The following UTP18 variants were observed in gnomAD, a reference collection of about 807,000 sequenced individuals.
UTP18 encodes the protein U3 small nucleolar RNA-associated protein 18 homolog.
In UTP18, 36 loss-of-function variants were observed where a neutral mutation model predicts 61.1. The observed-to-expected ratio is 0.59, with a 90% CI of 0.45 to 0.78. UTP18 has a LOEUF of 0.78. Ranked by LOEUF, UTP18 falls within the 30% of genes least tolerant of loss-of-function variation. The pLI, the probability that UTP18 is intolerant of heterozygous loss-of-function variation, is 0.00. For synonymous variants in UTP18, 282 were observed against 251.1 expected (o/e 1.12, Z -1.16); for missense variants, 753 against 693.9 (o/e 1.09, Z -0.96).
At chr17:51,288,253 G>A (rs1003296865) in intron 11 of UTP18, 50 bp downstream of exon 11, 19 of 1,479,540 alleles carry the variant, frequency 1.3e-5, no homozygotes, top group African/African-American at 7.1e-5. Flanking sequence ...AATTTAAGTT[G>A]AAAACATGCA....
Position 51,277,177 on chromosome 17 carries a change from G to T in UTP18, c.885G>T (p.Arg295Ser). The T allele has an allele frequency of 6.2e-7, 1 of 1,614,120 alleles. No individual in the cohort carries two copies. Among genetic ancestry groups the T allele is most frequent in the South Asian group, 1.1e-5 (1 of 91,082 alleles). Residue 295 changes from arginine (R) to serine (S), a missense_variant, in exon 7 of 14, where the codon AGG becomes AGT. Physicochemically the swap from Arg to Ser is moderately radical, Grantham distance 110. Coordinates refer to ENST00000225298, the MANE Select transcript of UTP18 (RefSeq NM_016001.3). ...NPKIQSIYLE[R>S]FPIFKACFSA... ...AAATTCAGAGCATCTATTTGGAAAG[G>T]TTTCCAATCTTTAAGGCTTGTTTTA...
chr17:51,263,129 A>T (rs1031428993), intron 1 of UTP18, 145 bp from the exon 2 acceptor site: 1 of 665,252 alleles, frequency 1.5e-6, no homozygotes, highest in Non-Finnish European at 2.5e-6. Flanking sequence ...TGCTTCCAGC[A>T]TTTGCAATGG....
chr17:51,262,480 C>T (rs901053006), intron 1 of UTP18, among the ~76,000 whole-genome samples: 5 of 152,020 alleles, frequency 3.3e-5, no homozygotes, highest in Admixed American at 6.6e-5. Flanking sequence ...TTTAGAGATA[C>T]GGTCTAACTT....
chr17:51,288,071 T>G lies in UTP18; in HGVS notation c.1371T>G (p.Cys457Trp), dbSNP rs1410327731. 6.2e-7 allele frequency: 1 copy of G among 1,603,032 alleles called. No homozygotes were observed. The highest frequency in any genetic ancestry group is 8.5e-7 in the Non-Finnish European group (1 of 1,177,182). Residue 457 changes from cysteine (C) to tryptophan (W), a missense_variant, in exon 11 of 14, where the codon TGT becomes TGG. Cys to Trp is a radical substitution (Grantham distance 215). Transcript: ENST00000225298. ...TAAATATATACAATCAAGATTCTTG[T>G]CTCCAAGAAACAAACCCAAAGCCAA... ...GVVNIYNQDS[C>W]LQETNPKPIK...
chr17:51,292,586 G>C (rs529933719), intron 11 of UTP18, among the ~76,000 whole-genome samples: 1 of 152,260 alleles, frequency 6.6e-6, no homozygotes, highest in Non-Finnish European at 1.5e-5. Flanking sequence ...ACCTAGAAGT[G>C]TGGAGGATGA....
At chr17:51,292,421 A>G (rs1905262136) in intron 11 of UTP18, among the ~76,000 whole-genome samples, 1 of 152,252 alleles carries the variant, frequency 6.6e-6, no homozygotes, top group Admixed American at 6.5e-5. Flanking sequence ...TTGGAGATTC[A>G]CTGTAAACAG....
In UTP18 at chr17:51,277,445, G is replaced by T. The variant is rs1010836113; in HGVS notation, c.1012+141G>T. On this transcript the variant is annotated intron_variant, in intron 7 of 13. Transcript: ENST00000225298. ...GGTATAGTGTTTGGAAAATGTCTTT[G>T]TGCTTTTGAGATAACACGTTTGAAT... The T allele has an allele frequency of 7.3e-6, 7 of 953,070 alleles. No individual in the cohort carries two copies. The Admixed American group carries it at 1.2e-4, about 16-fold the overall frequency. The allele number at this position is 953,070 out of a possible 1,614,324, so 59.0% of individuals were successfully genotyped here.
At chr17:51,275,716 T>G in intron 5 of UTP18, 150 bp from the exon 6 acceptor site, 1 of 829,880 alleles carries the variant, frequency 1.2e-6, no homozygotes. Flanking sequence ...GTTTTTTTGT[T>G]TTTTGTTTTT....
chr17:51,276,863 TC>T (rs1266332164), intron 6 of UTP18, among the ~76,000 whole-genome samples: 1 of 152,192 alleles, frequency 6.6e-6, no homozygotes, highest in Non-Finnish European at 1.5e-5. Flanking sequence ...GCGTGGAGCT[TC>T]CGTGCCTTCT....
intron 4 of UTP18, among the ~76,000 whole-genome samples, chr17:51,270,981 A>G (rs1180836094): frequency 1.3e-5 from 2 of 152,188 alleles, no homozygotes; most frequent in Non-Finnish European, 2.9e-5. Flanking sequence ...CTTCATGATT[A>G]TCTCCAGTGT....
intron 6 of UTP18, 82 bp from the exon 7 acceptor site, chr17:51,277,048 A>G: frequency 1.4e-6 from 2 of 1,415,768 alleles, no homozygotes; most frequent in African/African-American, 1.4e-5. Context: ...TTTTAAATGA[A>G]CACTTGTAGT....
intron 7 of UTP18, among the ~76,000 whole-genome samples, chr17:51,278,410 T>C (rs1354955578): frequency 6.6e-6 from 1 of 152,216 alleles, no homozygotes; most frequent in African/African-American, 2.4e-5. Flanking sequence ...TTACATGTCA[T>C]TTCACTATTC....
chr17:51,281,730 A>T (rs1163975137), intron 9 of UTP18, among the ~76,000 whole-genome samples: 2 of 152,310 alleles, frequency 1.3e-5, no homozygotes, highest in African/African-American at 4.8e-5. Flanking sequence ...TTGGGGGGGA[A>T]CTGGTAAAGT....
chr17:51,296,449 AGG>A (rs1905370576), intron 12 of UTP18: 2 of 152,392 alleles, frequency 1.3e-5, no homozygotes, highest in African/African-American at 4.8e-5. Flanking sequence ...AAAGGAAAAC[AGG>A]TTATACCAGG....
chr17:51,270,015 C>G (rs952427070), intron 4 of UTP18, among the ~76,000 whole-genome samples: 6 of 152,084 alleles, frequency 3.9e-5, no homozygotes, highest in Non-Finnish European at 8.8e-5. Flanking sequence ...GCCATTACAC[C>G]TGGCTAATTT....
At chr17:51,282,867 C>CT (rs534175274) in intron 9 of UTP18, among the ~76,000 whole-genome samples, 41,904 of 119,534 alleles carry the variant, frequency 0.35, 7,752 homozygotes, top group Non-Finnish European at 0.43. Context: ...TCTTCTTCTT[C>CT]TTTTTTTTTT....
chr17:51,289,553 C>T (rs1278384574), intron 11 of UTP18, among the ~76,000 whole-genome samples: 2 of 152,048 alleles, frequency 1.3e-5, no homozygotes, highest in Non-Finnish European at 2.9e-5. Flanking sequence ...AAACTCTTTT[C>T]TGCCCAACAT....
intron 8 of UTP18, 142 bp downstream of exon 8, chr17:51,280,247 G>A: frequency 7.8e-7 from 1 of 1,284,400 alleles, no homozygotes; most frequent in Non-Finnish European, 1.1e-6. Context: ...GTTGTGGGCA[G>A]TTGGGGGAGA....
chr17:51,263,510 T>C lies in UTP18; in HGVS notation c.455+124T>C, dbSNP rs1407286536. On this transcript the variant is annotated intron_variant, in intron 2 of 13. Transcript: ENST00000225298. ...AAGATTTGAAAAATATTTGAAAGTA[T>C]AGAAAAGATCTTTCATGGTTCCTGA... 5.2e-6 allele frequency: 4 copies of C among 766,992 alleles called. No homozygotes were observed. The Admixed American group carries it at 8.5e-5, about 16-fold the overall frequency. 47.5% of individuals were successfully genotyped at this position (766,992 alleles called of 1,614,324 possible).
Sources: gnomAD v4.1 joint callset for allele counts (sites outside exome capture counted in the v4.1 genomes callset) on GRCh38, gnomAD v4.1.1 for gene constraint, MANE v1.5 for transcripts, NCBI Gene and HGNC (gene_info 2026-07-23, HGNC 2026-07-21) for gene names.